KCNIP1: variants seen among roughly 807,000 people sequenced by gnomAD.
The protein encoded by KCNIP1 is potassium voltage-gated channel interacting protein 1.
In KCNIP1, 18 loss-of-function variants were observed where a neutral mutation model predicts 33.0. The ratio of observed to expected loss-of-function variants is 0.55; its 90% CI spans 0.38 to 0.81. The LOEUF (loss-of-function observed/expected upper bound fraction) is 0.81, where lower values mean the gene tolerates loss of function less well. Ranked by LOEUF, KCNIP1 falls within the 30% of genes least tolerant of loss-of-function variation. The pLI is 0.00. For synonymous variants in KCNIP1, 93 were observed against 98.3 expected, an observed-to-expected ratio of 0.95 and a Z score of 0.32; for missense variants, 238 against 271.6, an observed-to-expected ratio of 0.88 and a Z score of 0.87.
At chr5:170,398,851 G>A (rs367905840) in intron 1 of KCNIP1, among the ~76,000 whole-genome samples, 5 of 152,306 alleles carry the variant, frequency 3.3e-5, no homozygotes, top group African/African-American at 1.2e-4. Context: ...TAGAATGTCA[G>A]CCCTCTAAGG....
intron 1 of KCNIP1, among the ~76,000 whole-genome samples, chr5:170,431,591 G>C (rs190705376): frequency 2.8e-4 from 43 of 152,216 alleles, no homozygotes; most frequent in Non-Finnish European, 5.0e-4. Flanking sequence ...GGTGGGAAAG[G>C]GTGGTGGCAA....
At chr5:170,388,526 A>G in intron 1 of KCNIP1, among the ~76,000 whole-genome samples, 1 of 152,226 alleles carries the variant, frequency 6.6e-6, no homozygotes, top group Non-Finnish European at 1.5e-5. Flanking sequence ...CCCATTTAGA[A>G]AGGTCACTTG....
intron 1 of KCNIP1, among the ~76,000 whole-genome samples, chr5:170,709,373 G>C (rs566115194): frequency 2.5e-4 from 38 of 152,312 alleles, no homozygotes; most frequent in African/African-American, 8.9e-4. Context: ...CTTCCTAGCA[G>C]ATGGGCCCTT....
At chr5:170,387,147 G>A (rs886327661) in intron 1 of KCNIP1, among the ~76,000 whole-genome samples, 1 of 152,126 alleles carries the variant, frequency 6.6e-6, no homozygotes. Context: ...AAAAATACCA[G>A]GAAGCTATCA....
chr5:170,390,517 A>AAAATATATAT, intron 1 of KCNIP1, among the ~76,000 whole-genome samples: 17 of 74,514 alleles, frequency 2.3e-4, no homozygotes, highest in East Asian at 8.3e-4. Flanking sequence ...AAAAAAAACA[A>AAAATATATAT]ATATATATAT....
intron 1 of KCNIP1, among the ~76,000 whole-genome samples, chr5:170,360,014 A>G (rs984639526): frequency 1.3e-5 from 2 of 152,178 alleles, no homozygotes; most frequent in African/African-American, 4.8e-5. Flanking sequence ...CTCCAAATTA[A>G]AAGTAGCTGG....
At chr5:170,623,627 G>C (rs746258314) in intron 1 of KCNIP1, among the ~76,000 whole-genome samples, 1 of 152,144 alleles carries the variant, frequency 6.6e-6, no homozygotes. Flanking sequence ...GATGCGAAAA[G>C]TGCTTCATGA....
At chr5:170,709,714 C>T (rs1763379942) in intron 1 of KCNIP1, among the ~76,000 whole-genome samples, 1 of 152,130 alleles carries the variant, frequency 6.6e-6, no homozygotes, top group Non-Finnish European at 1.5e-5. Context: ...ATATATTTCA[C>T]TCATTTTTTT....
intron 1 of KCNIP1, among the ~76,000 whole-genome samples, chr5:170,360,260 C>T (rs1437800973): frequency 3.3e-5 from 5 of 152,176 alleles, no homozygotes; most frequent in Non-Finnish European, 5.9e-5. Flanking sequence ...GTGGAAGTGG[C>T]GATGTGAAGT....
intron 1 of KCNIP1, among the ~76,000 whole-genome samples, chr5:170,682,103 T>C (rs1007691593): frequency 1.4e-4 from 21 of 152,292 alleles, no homozygotes; most frequent in African/African-American, 4.6e-4. Flanking sequence ...TGAAATGCAT[T>C]TGTAGACAAA....
chr5:170,410,752 C>A (rs1055195185), intron 1 of KCNIP1, among the ~76,000 whole-genome samples: 2 of 151,992 alleles, frequency 1.3e-5, no homozygotes, highest in Non-Finnish European at 1.5e-5. Flanking sequence ...TTATTTGGAT[C>A]AGGATAAAAA....
chr5:170,701,276 A>T (rs1561772999), intron 1 of KCNIP1, among the ~76,000 whole-genome samples: 1 of 152,136 alleles, frequency 6.6e-6, no homozygotes. Flanking sequence ...TGTATGTGAG[A>T]TTTAATTTTC....
intron 1 of KCNIP1, among the ~76,000 whole-genome samples, chr5:170,586,162 A>T (rs2113533184): frequency 6.6e-6 from 1 of 152,336 alleles, no homozygotes; most frequent in South Asian, 2.1e-4. Flanking sequence ...GTTTGTCCCC[A>T]TGCCTGGTAT....
chr5:170,423,326 C>T (rs1755538963), intron 1 of KCNIP1, among the ~76,000 whole-genome samples: 1 of 150,726 alleles, frequency 6.6e-6, no homozygotes. Flanking sequence ...CTATTTAAGA[C>T]ACACAAACAG....
intron 1 of KCNIP1, among the ~76,000 whole-genome samples, chr5:170,361,963 T>A (rs905784): frequency 6.6e-6 from 1 of 152,010 alleles, no homozygotes; most frequent in African/African-American, 2.4e-5. Flanking sequence ...TGGCTTTTTT[T>A]TCTGGGCTTC....
chr5:170,423,135 C>T (rs1755534601), intron 1 of KCNIP1, among the ~76,000 whole-genome samples: 2 of 152,164 alleles, frequency 1.3e-5, no homozygotes, highest in Non-Finnish European at 2.9e-5. Flanking sequence ...AAAAACCTCA[C>T]AGAACCCTCA....
At chr5:170,523,567 G>A (rs981546325) in intron 1 of KCNIP1, among the ~76,000 whole-genome samples, 9 of 152,040 alleles carry the variant, frequency 5.9e-5, no homozygotes, top group African/African-American at 1.9e-4. Flanking sequence ...TAAGGGAGGC[G>A]GGGAGTTGAT....
At chr5:170,502,266 C>T (rs1466216473), upstream of KCNIP1, among the ~76,000 whole-genome samples, 2 of 152,172 alleles carry the variant, frequency 1.3e-5, no homozygotes, top group Non-Finnish European at 1.5e-5. Context: ...TAGTAAGTGC[C>T]CCTCCCCTGT....
intron 1 of KCNIP1, among the ~76,000 whole-genome samples, chr5:170,672,047 T>C (rs759051979): frequency 3.1e-4 from 47 of 152,188 alleles, no homozygotes; most frequent in Non-Finnish European, 1.5e-4. Flanking sequence ...TAAGGAGATA[T>C]TCCCTAAGCT....
Sources: gnomAD v4.1 joint callset for allele counts (sites outside exome capture counted in the v4.1 genomes callset) on GRCh38, gnomAD v4.1.1 for gene constraint, MANE v1.5 for transcripts, NCBI Gene and HGNC (gene_info 2026-07-23, HGNC 2026-07-21) for gene names.